Variants in SIPA1L1 observed in about 807,000 individuals in gnomAD.
The protein encoded by SIPA1L1 is signal-induced proliferation-associated 1-like protein 1.
SIPA1L1 carries 26 observed loss-of-function variants against 162.7 expected under a neutral mutation model. The ratio of observed to expected loss-of-function variants is 0.16; its 90% CI spans 0.12 to 0.22. The LOEUF is 0.22. Among genes scored for constraint, SIPA1L1 ranks in the 10% least tolerant of loss-of-function variants. The probability of loss-of-function intolerance (pLI) is 1.00; values close to 1 mark genes in which losing one functional copy is unlikely to be tolerated. For missense variants in SIPA1L1, 1,874 were observed against 2,241.0 expected (o/e 0.84, Z 3.31); for synonymous variants, 829 against 837.4 (o/e 0.99, Z 0.17).
chr14:71,497,838 G>A (rs1451640144), intron 2 of SIPA1L1: 3 of 152,218 alleles, frequency 2.0e-5, no homozygotes, highest in African/African-American at 7.2e-5. Flanking sequence ...GTTAATGTAA[G>A]CTTTCATTTC....
At chr14:71,427,459 TTCTA>T (rs1382474558) in intron 2 of SIPA1L1, among the ~76,000 whole-genome samples, 1 of 152,220 alleles carries the variant, frequency 6.6e-6, no homozygotes, top group Non-Finnish European at 1.5e-5. Context: ...GCTTTCAAGA[TTCTA>T]TCTTTGTCTT....
intron 2 of SIPA1L1, chr14:71,330,464 C>T (rs2034394399): frequency 6.2e-7 from 1 of 1,604,718 alleles, no homozygotes; most frequent in South Asian, 1.1e-5. Flanking sequence ...AAATCCACAT[C>T]ATTCACAGCT....
intron 3 of SIPA1L1, among the ~76,000 whole-genome samples, chr14:71,521,144 T>G (rs991132792): frequency 6.6e-6 from 1 of 152,280 alleles, no homozygotes; most frequent in Admixed American, 6.5e-5. Context: ...CTTGTTTATG[T>G]TGTAGGGGAG....
intron 12 of SIPA1L1, among the ~76,000 whole-genome samples, chr14:71,682,205 C>T (rs1010898392): frequency 1.3e-5 from 2 of 152,186 alleles, no homozygotes; most frequent in African/African-American, 4.8e-5. Context: ...CATAGAGTTG[C>T]TGTAAAGTGG....
At chr14:71,632,955 A>C (rs760764863) in intron 7 of SIPA1L1, among the ~76,000 whole-genome samples, 2 of 152,228 alleles carry the variant, frequency 1.3e-5, no homozygotes, top group African/African-American at 2.4e-5. Context: ...TGAATTTAAA[A>C]TCACTGCTTA....
In SIPA1L1 at chr14:71,591,943, A is replaced by G. The variant is rs183043302; in HGVS notation, c.1498+2573A>G. On this transcript the variant is annotated intron_variant, in intron 5 of 23. Transcript: ENST00000381232. ...TTAGTTTTTAATAGGAACAACGTTT[A>G]TCTTTTGTACTCATATTTCATCAGC... Among the ~76,000 whole-genome samples the G allele has an allele frequency of 1.6e-4, 24 of 152,326 alleles. 1 individual carries two copies. Among genetic ancestry groups the G allele is most frequent in the Admixed American group, 1.3e-4 (2 of 15,294 alleles).
At chr14:71,593,663 C>A (rs2035684304) in intron 5 of SIPA1L1, among the ~76,000 whole-genome samples, 1 of 152,188 alleles carries the variant, frequency 6.6e-6, no homozygotes, top group African/African-American at 2.4e-5. Flanking sequence ...ATCTTGGTTT[C>A]TGTGGCCCCA....
At chr14:71,699,969 A>G (rs1429696565) in intron 14 of SIPA1L1, among the ~76,000 whole-genome samples, 3 of 152,236 alleles carry the variant, frequency 2.0e-5, no homozygotes, top group Non-Finnish European at 4.4e-5. Context: ...ACAAAGAACA[A>G]TTAAGTTCTT....
intron 9 of SIPA1L1, among the ~76,000 whole-genome samples, chr14:71,660,815 C>T (rs1357121381): frequency 6.6e-6 from 1 of 152,168 alleles, no homozygotes; most frequent in Non-Finnish European, 1.5e-5. Context: ...TTAATTGTTG[C>T]AACATTCTGG....
chr14:71,619,129 A>C (rs935641963), intron 6 of SIPA1L1, among the ~76,000 whole-genome samples: 1 of 152,104 alleles, frequency 6.6e-6, no homozygotes, highest in Non-Finnish European at 1.5e-5. Flanking sequence ...ATTCAGAGAA[A>C]GATATGTCCA....
chr14:71,543,935 GTGTATATATACATATACGCACATGTA>G (rs1567179130), intron 4 of SIPA1L1, among the ~76,000 whole-genome samples: 28 of 138,246 alleles, frequency 2.0e-4, no homozygotes, highest in African/African-American at 7.2e-4. Context: ...ACGTATATGT[GTGTATATATACATATACGCACATGTA>G]TGTATATATA....
chr14:71,392,674 C>T (rs563538877), intron 2 of SIPA1L1, among the ~76,000 whole-genome samples: 2 of 152,106 alleles, frequency 1.3e-5, no homozygotes, highest in Non-Finnish European at 2.9e-5. Context: ...ACTACAGGCA[C>T]CTGCCACCAC....
At chr14:71,704,697 G>T (rs753413938) in intron 15 of SIPA1L1, 1 of 1,590,762 alleles carries the variant, frequency 6.3e-7, no homozygotes, top group Non-Finnish European at 8.6e-7. Context: ...ACTAGTTGCT[G>T]TGTGTCTTTT....
intron 2 of SIPA1L1, among the ~76,000 whole-genome samples, chr14:71,409,081 T>C (rs752559048): frequency 4.6e-5 from 7 of 152,230 alleles, no homozygotes; most frequent in South Asian, 2.1e-4. Context: ...GAAATAACAC[T>C]GTCCTGAACT....
At chr14:71,521,807 A>AT (rs2052383185) in intron 3 of SIPA1L1, among the ~76,000 whole-genome samples, 1 of 152,192 alleles carries the variant, frequency 6.6e-6, no homozygotes, top group African/African-American at 2.4e-5. Flanking sequence ...TTTGCTCCAC[A>AT]TTCTTAGTGA....
chr14:71,552,501 C>T (rs536084853), intron 4 of SIPA1L1, among the ~76,000 whole-genome samples: 1 of 151,904 alleles, frequency 6.6e-6, no homozygotes, highest in South Asian at 2.1e-4. Context: ...ACGACATTCT[C>T]CTGCCTCAGC....
intron 7 of SIPA1L1, among the ~76,000 whole-genome samples, chr14:71,643,971 C>A (rs1358838729): frequency 6.6e-6 from 1 of 152,100 alleles, no homozygotes; most frequent in East Asian, 1.9e-4. Flanking sequence ...CCACGCCCAG[C>A]TAAATTTTGT....
At chr14:71,330,681 A>G (rs2034423517) in intron 2 of SIPA1L1, 3 of 876,276 alleles carry the variant, frequency 3.4e-6, no homozygotes, top group East Asian at 4.8e-5. Context: ...TCTCATGAGG[A>G]GGAATCCATC....
chr14:71,717,755 G>T (rs962134052), intron 17 of SIPA1L1, among the ~76,000 whole-genome samples: 1 of 152,238 alleles, frequency 6.6e-6, no homozygotes. Context: ...GGGTTGGTCA[G>T]CTGCAAGGAG....
Sources: gnomAD v4.1 joint callset for allele counts (sites outside exome capture counted in the v4.1 genomes callset) on GRCh38, gnomAD v4.1.1 for gene constraint, MANE v1.5 for transcripts, NCBI Gene and HGNC (gene_info 2026-07-23, HGNC 2026-07-21) for gene names.